RAB27B: variants seen among roughly 807,000 people sequenced by gnomAD.
The protein encoded by RAB27B is ras-related protein Rab-27B.
In RAB27B, 15 loss-of-function variants were observed where a neutral mutation model predicts 24.6. The observed-to-expected ratio is 0.61, with a 90% CI of 0.41 to 0.94. The LOEUF is 0.94. RAB27B is among the 40% of genes least tolerant of loss of function. RAB27B has a pLI of 0.00. For synonymous variants in RAB27B, 105 were observed against 92.5 expected, an observed-to-expected ratio of 1.14 and a Z score of -0.78; for missense variants, 261 against 266.8, an observed-to-expected ratio of 0.98 and a Z score of 0.15.
intron 2 of RAB27B, among the ~76,000 whole-genome samples, chr18:54,741,568 A>G (rs999062767): frequency 7.2e-5 from 11 of 152,036 alleles, no homozygotes; most frequent in African/African-American, 2.7e-4. Flanking sequence ...ATCTCAGCTC[A>G]CTACAACCTC....
intron 2 of RAB27B, among the ~76,000 whole-genome samples, chr18:54,719,297 G>T (rs10871699): frequency 6.6e-6 from 1 of 151,824 alleles, no homozygotes; most frequent in African/African-American, 2.4e-5. Context: ...TTTTGAAAAT[G>T]TATCTATAGT....
At chr18:54,792,839 C>G (rs1909295466) in intron 2 of RAB27B, among the ~76,000 whole-genome samples, 1 of 152,106 alleles carries the variant, frequency 6.6e-6, no homozygotes, top group African/African-American at 2.4e-5. Context: ...AGAAAATACT[C>G]AGGTATAAGA....
At chr18:54,855,758 T>C (rs1443992275) in intron 1 of RAB27B, among the ~76,000 whole-genome samples, 3 of 152,228 alleles carry the variant, frequency 2.0e-5, no homozygotes, top group East Asian at 3.8e-4. Context: ...CTTAATTCTA[T>C]AGCTTTATAT....
At chr18:54,867,442 C>CTTTTCTTTTTTTTTT (rs1555666326) in intron 1 of RAB27B, among the ~76,000 whole-genome samples, 15 of 98,756 alleles carry the variant, frequency 1.5e-4, no homozygotes, top group African/African-American at 2.9e-4. Flanking sequence ...CTTTTCTTTT[C>CTTTTCTTTTTTTTTT]TTTTTTTTTT....
chr18:54,718,041 A>G (rs758244295), intron 1 of RAB27B: 2 of 152,102 alleles, frequency 1.3e-5, no homozygotes, highest in Non-Finnish European at 2.9e-5. Flanking sequence ...TTGGGTTACT[A>G]TATTATTTTA....
chr18:54,841,728 C>T (rs2145202163), intron 1 of RAB27B, among the ~76,000 whole-genome samples: 1 of 152,252 alleles, frequency 6.6e-6, no homozygotes, highest in African/African-American at 2.4e-5. Flanking sequence ...AACTAAATGG[C>T]CAAAGTCAAA....
At chr18:54,719,134 G>T (rs149201502) in intron 2 of RAB27B, among the ~76,000 whole-genome samples, 1 of 152,000 alleles carries the variant, frequency 6.6e-6, no homozygotes, top group African/African-American at 2.4e-5. Context: ...ACAATGCAAG[G>T]CATCAACATT....
upstream of RAB27B, among the ~76,000 whole-genome samples, chr18:54,823,545 T>TTACAA (rs1910377797): frequency 6.6e-6 from 1 of 152,214 alleles, no homozygotes; most frequent in South Asian, 2.1e-4. Context: ...TGTTTAAAGC[T>TTACAA]TACAAATGCT....
intron 2 of RAB27B, among the ~76,000 whole-genome samples, chr18:54,771,591 AGTGTGTGTGTGTGT>A (rs36228307): frequency 0.016 from 2,284 of 144,854 alleles, 30 homozygotes; most frequent in African/African-American, 0.041. Flanking sequence ...CTGATAGTTT[AGTGTGTGTGTGTGT>A]GTGTGTGTGT....
At chr18:54,820,255 G>A (rs560538296) in intron 2 of RAB27B, among the ~76,000 whole-genome samples, 5 of 152,216 alleles carry the variant, frequency 3.3e-5, no homozygotes, top group East Asian at 3.9e-4. Context: ...AAGTGTTCCT[G>A]TTTCTCCACA....
At chr18:54,753,251 T>C (rs967035844) in intron 2 of RAB27B, among the ~76,000 whole-genome samples, 4 of 152,184 alleles carry the variant, frequency 2.6e-5, no homozygotes, top group Non-Finnish European at 5.9e-5. Context: ...AGGAAGTCAT[T>C]GAAATGTGGC....
chr18:54,794,692 G>C (rs1333761348), intron 2 of RAB27B, among the ~76,000 whole-genome samples: 1 of 152,142 alleles, frequency 6.6e-6, no homozygotes, highest in Non-Finnish European at 1.5e-5. Flanking sequence ...AAGAAGGAGA[G>C]ACCTGACAAC....
intron 2 of RAB27B, among the ~76,000 whole-genome samples, chr18:54,815,922 CCAGTATTATTATTAATAAATTACCAG>C: frequency 6.6e-6 from 1 of 152,064 alleles, no homozygotes; most frequent in Non-Finnish European, 1.5e-5. Context: ...CCATGCCTGG[CCAGTATTATTATTAATAAATTACCAG>C]CTAAATAAAT....
intron 4 of RAB27B, among the ~76,000 whole-genome samples, chr18:54,885,064 T>C (rs965540878): frequency 6.6e-6 from 1 of 152,196 alleles, no homozygotes; most frequent in African/African-American, 2.4e-5. Context: ...TGTTGCCTAA[T>C]CAATTACTAA....
chr18:54,747,465 C>T (rs1910289269), intron 2 of RAB27B, among the ~76,000 whole-genome samples: 2 of 152,062 alleles, frequency 1.3e-5, no homozygotes, highest in South Asian at 4.1e-4. Flanking sequence ...AATACCAATG[C>T]CATTTTGCCA....
intron 1 of RAB27B, among the ~76,000 whole-genome samples, chr18:54,859,466 A>C (rs888717126): frequency 6.7e-6 from 1 of 149,150 alleles, no homozygotes; most frequent in Non-Finnish European, 1.5e-5. Context: ...AACTTTTATC[A>C]GCCAAAAATT....
At chr18:54,868,577 G>T (rs1398462156) in intron 1 of RAB27B, among the ~76,000 whole-genome samples, 1 of 151,002 alleles carries the variant, frequency 6.6e-6, no homozygotes, top group Non-Finnish European at 1.5e-5. Flanking sequence ...TTCCAAAAAG[G>T]ATGTGACATT....
intron 2 of RAB27B, among the ~76,000 whole-genome samples, chr18:54,809,721 C>G (rs919249255): frequency 6.6e-6 from 1 of 152,106 alleles, no homozygotes. Flanking sequence ...TAATACAATT[C>G]CACATTTATT....
At chr18:54,757,531 TTGA>T (rs1908045837) in intron 2 of RAB27B, among the ~76,000 whole-genome samples, 1 of 152,200 alleles carries the variant, frequency 6.6e-6, no homozygotes, top group Admixed American at 6.5e-5. Context: ...GAGAAAGCTG[TTGA>T]TATCTAATTT....
Sources: gnomAD v4.1 joint callset for allele counts (sites outside exome capture counted in the v4.1 genomes callset) on GRCh38, gnomAD v4.1.1 for gene constraint, MANE v1.5 for transcripts, NCBI Gene and HGNC (gene_info 2026-07-23, HGNC 2026-07-21) for gene names.